Variants in CUEDC1 observed in about 807,000 individuals in gnomAD.
The protein encoded by CUEDC1 is CUE domain containing 1.
Under a neutral mutation model 43.7 loss-of-function variants are expected in CUEDC1, and 30 were observed. The ratio of observed to expected loss-of-function variants is 0.69; its 90% CI spans 0.51 to 0.93. CUEDC1 has a LOEUF of 0.93. Among genes scored for constraint, CUEDC1 ranks in the 40% least tolerant of loss-of-function variants. The pLI, the probability that CUEDC1 is intolerant of heterozygous loss-of-function variation, is 0.00. For missense variants in CUEDC1, 486 were observed against 549.0 expected, an observed-to-expected ratio of 0.89 and a Z score of 1.15; for synonymous variants, 223 against 223.6, an observed-to-expected ratio of 1.00 and a Z score of 0.02.
At chr17:57,916,276 T>C (rs1401843354) in intron 1 of CUEDC1, among the ~76,000 whole-genome samples, 1 of 152,216 alleles carries the variant, frequency 6.6e-6, no homozygotes, top group Non-Finnish European at 1.5e-5. Context: ...CCGATGGCCT[T>C]GTGATGCCTG....
At position 57,868,079 on chromosome 17, in the gene CUEDC1, G is replaced by A. The variant is rs1432806790; in HGVS notation, c.1034+71C>T. 7.7e-6 allele frequency: 10 copies of A among 1,293,092 alleles called. No individual in the cohort carries two copies. In the African/African-American group the frequency reaches 1.3e-4, roughly 17 times the overall value. 80.1% of individuals were successfully genotyped at this position (1,293,092 alleles called of 1,614,324 possible). A position where few individuals can be genotyped will look rare whatever the true frequency, so the allele number is the denominator to read the frequency against. On this transcript the variant is annotated intron_variant, in intron 8 of 10. Coordinates refer to ENST00000577830, the MANE Select transcript of CUEDC1 (RefSeq NM_001271875.2). ...CCAGGGGAGGGCACAGCTGCAGGGA[G>A]TCCAACAGGGGTCTTGCTCCATGGC...
chr17:57,900,137 GC>G (rs1394739386), intron 1 of CUEDC1, among the ~76,000 whole-genome samples: 1 of 152,216 alleles, frequency 6.6e-6, no homozygotes, highest in Non-Finnish European at 1.5e-5. Flanking sequence ...GGTAGCCTCA[GC>G]CCCAAATCTA....
At chr17:57,953,764 G>T (rs1293859637) in intron 1 of CUEDC1, among the ~76,000 whole-genome samples, 1 of 152,160 alleles carries the variant, frequency 6.6e-6, no homozygotes, top group Non-Finnish European at 1.5e-5. Flanking sequence ...GGCCATCCTC[G>T]CTGTCCAGGG....
chr17:57,950,227 T>C (rs907365196), intron 1 of CUEDC1, among the ~76,000 whole-genome samples: 3 of 152,160 alleles, frequency 2.0e-5, no homozygotes, highest in Non-Finnish European at 2.9e-5. Context: ...CTCGGCTCAC[T>C]GCAACTTCTG....
chr17:57,908,508 G>T (rs1162150407), intron 1 of CUEDC1, among the ~76,000 whole-genome samples: 1 of 152,256 alleles, frequency 6.6e-6, no homozygotes, highest in Non-Finnish European at 1.5e-5. Flanking sequence ...CAAGGGCTAA[G>T]AGAAGCCTTG....
At chr17:57,869,719 C>T (rs1394666553) in intron 6 of CUEDC1, among the ~76,000 whole-genome samples, 1 of 152,180 alleles carries the variant, frequency 6.6e-6, no homozygotes, top group African/African-American at 2.4e-5. Context: ...CCCTCCCAGC[C>T]ACAGGGTTTC....
chr17:57,864,787 C>T (rs1323207593), intron 10 of CUEDC1, among the ~76,000 whole-genome samples: 1 of 152,124 alleles, frequency 6.6e-6, no homozygotes, highest in Non-Finnish European at 1.5e-5. Context: ...GGTACGGTGG[C>T]TCACACCTGT....
intron 3 of CUEDC1, among the ~76,000 whole-genome samples, chr17:57,876,451 T>C (rs951060465): frequency 6.6e-6 from 1 of 152,168 alleles, no homozygotes; most frequent in Non-Finnish European, 1.5e-5. Context: ...CCTGCCCCCG[T>C]GTCTTCGGCT....
chr17:57,923,015 C>T (rs914685511), intron 1 of CUEDC1, among the ~76,000 whole-genome samples: 3 of 151,864 alleles, frequency 2.0e-5, no homozygotes, highest in Non-Finnish European at 4.4e-5. Context: ...TTTATAGAGA[C>T]GGGCCTTGCC....
Position 57,885,445 on chromosome 17 carries a change from G to C in CUEDC1, c.120C>G (p.Arg40=). ...GGTTGAACTCCAGGCGGCGCACCTGGCGGGCAGGCCGGCTGTTGTTGAGCT... is the reference window on the plus strand; with the variant it reads ...GGTTGAACTCCAGGCGGCGCACCTGCCGGGCAGGCCGGCTGTTGTTGAGCT... The part of the protein sequence containing the change: ...PQELNNSRPA[R]QVRRLEFNQA... The change falls in exon 2 of 11, where the codon CGC becomes CGG. Residue 40 remains arginine (R), a synonymous_variant. Coordinates refer to ENST00000577830, the MANE Select transcript of CUEDC1 (RefSeq NM_001271875.2). 6.3e-7 allele frequency: 1 copy of C among 1,598,896 alleles called. No homozygotes were observed. The highest frequency in any genetic ancestry group is 1.1e-5 in the South Asian group (1 of 88,624).
chr17:57,874,069 C>T (rs1019716036), intron 3 of CUEDC1, among the ~76,000 whole-genome samples: 2 of 152,248 alleles, frequency 1.3e-5, no homozygotes, highest in Non-Finnish European at 2.9e-5. Flanking sequence ...ATGCTTCTAT[C>T]CTAGCACCTA....
At chr17:57,878,484 T>A (rs111476195) in intron 3 of CUEDC1, among the ~76,000 whole-genome samples, 43 of 151,846 alleles carry the variant, frequency 2.8e-4, no homozygotes, top group African/African-American at 1.0e-3. Flanking sequence ...CCCTGTCCCA[T>A]CATCTCCCCA....
chr17:57,878,769 C>T (rs974917403), intron 3 of CUEDC1, among the ~76,000 whole-genome samples: 4 of 152,118 alleles, frequency 2.6e-5, no homozygotes, highest in Non-Finnish European at 5.9e-5. Context: ...GGGGTTCAAG[C>T]GGTTCTCCTG....
chr17:57,885,632 C>T lies in CUEDC1; in HGVS notation c.-68G>A, dbSNP rs1055100265. On this transcript the variant is annotated 5_prime_UTR_variant, in exon 2 of 11. Coordinates refer to ENST00000577830, the MANE Select transcript of CUEDC1 (RefSeq NM_001271875.2). ...AGCCCCTTCCCCAGGGTCTTTCCGCCGTCAGCCGCTTACTTGCCCTGCGGT... is the reference window on the plus strand; with the variant it reads ...AGCCCCTTCCCCAGGGTCTTTCCGCTGTCAGCCGCTTACTTGCCCTGCGGT... 32 of 1,333,464 alleles carry T rather than the reference C, an allele frequency of 2.4e-5. No homozygotes were observed. Among genetic ancestry groups the T allele is most frequent in the African/African-American group, 3.1e-5 (2 of 64,422 alleles). 82.6% of individuals were successfully genotyped at this position (1,333,464 alleles called of 1,614,324 possible).
chr17:57,870,943 A>C (rs964757459), intron 6 of CUEDC1, among the ~76,000 whole-genome samples: 1 of 152,140 alleles, frequency 6.6e-6, no homozygotes. Flanking sequence ...TCGGCCTCTC[A>C]AAGTGTTGGG....
chr17:57,872,311 C>G (rs552979727), intron 5 of CUEDC1, among the ~76,000 whole-genome samples: 3 of 152,364 alleles, frequency 2.0e-5, no homozygotes, highest in Admixed American at 6.5e-5. Context: ...AGACACATCA[C>G]GCCTGCCTTG....
At chr17:57,943,056 T>C (rs1191838899) in intron 1 of CUEDC1, among the ~76,000 whole-genome samples, 1 of 152,096 alleles carries the variant, frequency 6.6e-6, no homozygotes, top group Non-Finnish European at 1.5e-5. Context: ...AAATGATCAC[T>C]GCTATATGTG....
chr17:57,892,388 C>G (rs1280225334), intron 1 of CUEDC1: 1 of 152,328 alleles, frequency 6.6e-6, no homozygotes, highest in East Asian at 1.9e-4. Context: ...GACCAGGGCC[C>G]AACCCTGAAA....
chr17:57,885,422 T>C lies in CUEDC1; in HGVS notation c.143A>G (p.Asn48Ser), dbSNP rs749594358. ...PARQVRRLEFNQAMDDFKTMF... is the reference protein window; with the variant it reads ...PARQVRRLEFSQAMDDFKTMF... Reference sequence around the variant, plus strand: ...GGTCTTGAAGTCGTCCATGGCCTGGTTGAACTCCAGGCGGCGCACCTGGCG... The same window carrying C: ...GGTCTTGAAGTCGTCCATGGCCTGGCTGAACTCCAGGCGGCGCACCTGGCG... The change falls in exon 2 of 11, where the codon AAC becomes AGC. Residue 48 changes from asparagine to serine, a missense_variant. Transcript: ENST00000577830. 1.2e-6 allele frequency: 2 copies of C among 1,605,280 alleles called. No individual in the cohort carries two copies. Among genetic ancestry groups the C allele is most frequent in the South Asian group, 2.2e-5 (2 of 89,320 alleles).
Sources: gnomAD v4.1 joint callset for allele counts (sites outside exome capture counted in the v4.1 genomes callset) on GRCh38, gnomAD v4.1.1 for gene constraint, MANE v1.5 for transcripts, NCBI Gene and HGNC (gene_info 2026-07-23, HGNC 2026-07-21) for gene names.